The following PCDHA5 variants were observed in gnomAD, a reference collection of about 807,000 sequenced individuals.
PCDHA5 encodes protocadherin alpha 5, also known as protocadherin alpha-5.
PCDHA5 carries 43 observed loss-of-function variants against 61.6 expected under a neutral mutation model. The observed-to-expected ratio is 0.70, with a 90% confidence interval of 0.55 to 0.90. The LOEUF is 0.90. Ranked by LOEUF, PCDHA5 falls within the 40% of genes least tolerant of loss-of-function variation. The probability of loss-of-function intolerance (pLI) is 0.00; values close to 1 mark genes in which losing one functional copy is unlikely to be tolerated. For synonymous variants in PCDHA5, 627 were observed against 543.9 expected, an observed-to-expected ratio of 1.15 and a Z score of -2.13; for missense variants, 1,298 against 1,222.7, an observed-to-expected ratio of 1.06 and a Z score of -0.92.
chr5:140,887,835 C>A (rs2061600577), intron 1 of PCDHA5, among the ~76,000 whole-genome samples: 1 of 152,106 alleles, frequency 6.6e-6, no homozygotes, highest in Admixed American at 6.6e-5. Context: ...TTTTGAATAT[C>A]TTTTATTGAC....
chr5:140,968,789 G>C, intron 1 of PCDHA5: 5 of 1,614,180 alleles, frequency 3.1e-6, no homozygotes, highest in Non-Finnish European at 4.2e-6. Context: ...AGCCTCTGTG[G>C]CCATTACAGT....
intron 1 of PCDHA5, chr5:140,856,583 C>T: frequency 1.9e-6 from 3 of 1,597,002 alleles, no homozygotes; most frequent in Non-Finnish European, 2.6e-6. Flanking sequence ...GTATTTTGTT[C>T]TTGATATTAT....
At chr5:140,920,989 A>C (rs1409702083) in intron 1 of PCDHA5, among the ~76,000 whole-genome samples, 1 of 151,756 alleles carries the variant, frequency 6.6e-6, no homozygotes, top group Non-Finnish European at 1.5e-5. Context: ...GTATTTGCTT[A>C]TTTTTTCAGA....
intron 1 of PCDHA5, among the ~76,000 whole-genome samples, chr5:140,948,853 C>T (rs1385628610): frequency 6.6e-6 from 1 of 151,298 alleles, no homozygotes; most frequent in Non-Finnish European, 1.5e-5. Context: ...TATTTGCCTT[C>T]TTATATTACT....
intron 1 of PCDHA5, among the ~76,000 whole-genome samples, chr5:140,839,743 T>C (rs2150300619): frequency 0.58 from 88,357 of 151,822 alleles, 26,802 homozygotes; most frequent in African/African-American, 0.73. Flanking sequence ...TACCCTTATT[T>C]GCCTTTCCTA....
Position 140,821,873 on chromosome 5 carries a change from C to A in PCDHA5, c.98C>A (p.Ser33Ter), listed in dbSNP as rs144627570. The change falls in exon 1 of 4, where the codon TCG (serine) becomes TAG (stop). Residue 33 changes from serine (S) to a stop codon, truncating the protein, a stop_gained. Transcript: ENST00000529859. LOFTEE classifies it high-confidence loss of function. ...WKAGSGQLHY[S>*]IPEEAKHGTF... ...GCAGGGAGCGGCCAGCTCCACTACTCGATCCCGGAGGAAGCCAAACACGGA... is the reference window on the plus strand; with the variant it reads ...GCAGGGAGCGGCCAGCTCCACTACTAGATCCCGGAGGAAGCCAAACACGGA... 1.2e-6 allele frequency: 2 copies of A among 1,614,092 alleles called. No homozygotes were observed. The highest frequency in any genetic ancestry group is 1.7e-6 in the Non-Finnish European group (2 of 1,180,052).
chr5:140,865,900 C>T (rs1012769998), intron 1 of PCDHA5: 18 of 152,230 alleles, frequency 1.2e-4, no homozygotes, highest in African/African-American at 3.8e-4. Context: ...TGTGTACAGG[C>T]AAATCTTTCT....
At chr5:140,828,347 G>A (rs2150154250) in intron 1 of PCDHA5, 1 of 1,614,256 alleles carries the variant, frequency 6.2e-7, no homozygotes, top group South Asian at 1.1e-5. Flanking sequence ...CATTTTGTTT[G>A]TGAATTCTCG....
chr5:140,870,608 C>A (rs1408684171), intron 1 of PCDHA5: 1 of 1,613,106 alleles, frequency 6.2e-7, no homozygotes, highest in African/African-American at 1.3e-5. Flanking sequence ...GGCGACCGCG[C>A]GCTGTCGAGC....
intron 1 of PCDHA5, among the ~76,000 whole-genome samples, chr5:140,908,387 T>A (rs536105622): frequency 1.3e-5 from 2 of 152,230 alleles, no homozygotes; most frequent in Admixed American, 1.3e-4. Flanking sequence ...TCGAGCCCGA[T>A]CACATATATA....
At chr5:140,921,777 C>G (rs1434211783) in intron 1 of PCDHA5, among the ~76,000 whole-genome samples, 1 of 152,030 alleles carries the variant, frequency 6.6e-6, no homozygotes, top group Non-Finnish European at 1.5e-5. Flanking sequence ...TCAATACTGA[C>G]TTGGATGTTC....
intron 1 of PCDHA5, among the ~76,000 whole-genome samples, chr5:140,951,147 AATATAGT>A (rs1554219760): frequency 9.9e-6 from 1 of 100,716 alleles, no homozygotes; most frequent in African/African-American, 4.8e-5. Flanking sequence ...TATCTTATTG[AATATAGT>A]TATAGTAGCT....
At chr5:140,941,099 TATTACTGG>T (rs1174229664) in intron 1 of PCDHA5, among the ~76,000 whole-genome samples, 5 of 152,146 alleles carry the variant, frequency 3.3e-5, no homozygotes, top group Non-Finnish European at 1.5e-5. Context: ...TTTCACATAC[TATTACTGG>T]AAAGATTAGT....
intron 3 of PCDHA5, among the ~76,000 whole-genome samples, chr5:141,005,658 C>T (rs1014602554): frequency 6.9e-4 from 96 of 138,640 alleles, no homozygotes; most frequent in African/African-American, 2.4e-3. Flanking sequence ...GTCGAGATCG[C>T]GCCACTGCAC....
intron 1 of PCDHA5, chr5:140,969,129 C>T: frequency 6.2e-7 from 1 of 1,614,144 alleles, no homozygotes; most frequent in Non-Finnish European, 8.5e-7. Context: ...GGCTCCCTCA[C>T]CAAGACCTAC....
At chr5:140,927,701 A>G (rs2084527211) in intron 1 of PCDHA5, 1 of 1,614,052 alleles carries the variant, frequency 6.2e-7, no homozygotes, top group South Asian at 1.1e-5. Context: ...GAAGTCCAGT[A>G]CTCCCTAAGC....
At chr5:140,856,119 A>G (rs782020835) in intron 1 of PCDHA5, 1 of 1,597,678 alleles carries the variant, frequency 6.3e-7, no homozygotes, top group East Asian at 2.2e-5. Flanking sequence ...GCAGCCTGGG[A>G]GGTGGGGAGC....
At position 140,854,641 on chromosome 5, in the gene PCDHA5, C is replaced by T. The variant is rs1258483318; in HGVS notation, c.2352+30514C>T. The T allele has an allele frequency of 1.3e-5, 2 of 149,894 alleles. 1 individual carries two copies. Among genetic ancestry groups the T allele is most frequent in the Non-Finnish European group, 3.0e-5 (2 of 67,066 alleles). The allele number at this position is 149,894 out of a possible 1,614,324, so 9.3% of individuals were successfully genotyped here. A position where few individuals can be genotyped will look rare whatever the true frequency, so the allele number is the denominator to read the frequency against. ...ATATTCTTTAGAAAAGTCAAAACAT[C>T]ATTAAATAAAATAAATTAACCCTTG... is the stretch of plus-strand genomic sequence containing the variant. On this transcript the variant is annotated intron_variant, in intron 1 of 3. Transcript: ENST00000529859.
At chr5:140,937,291 C>T (rs940890612) in intron 1 of PCDHA5, among the ~76,000 whole-genome samples, 1 of 152,104 alleles carries the variant, frequency 6.6e-6, no homozygotes, top group African/African-American at 2.4e-5. Flanking sequence ...CCCGCTTCGG[C>T]CTCCCAAAGT....
Sources: allele counts gnomAD v4.1 joint callset (sites outside exome capture counted in the v4.1 genomes callset), GRCh38; gene constraint gnomAD v4.1.1; transcripts MANE v1.5; gene names NCBI Gene and HGNC (gene_info 2026-07-23, HGNC 2026-07-21).